Variants in CELF4 observed in about 807,000 individuals in gnomAD.
CELF4 encodes the protein CUGBP Elav-like family member 4.
CELF4 carries 18 observed loss-of-function variants against 59.9 expected under a neutral mutation model. The ratio of observed to expected loss-of-function variants is 0.30; its 90% CI spans 0.21 to 0.45. CELF4 has a LOEUF of 0.45. Among genes scored for constraint, CELF4 ranks in the 20% least tolerant of loss-of-function variants. The pLI, the probability that CELF4 is intolerant of heterozygous loss-of-function variation, is 1.00. For synonymous variants in CELF4, 261 were observed against 267.1 expected (o/e 0.98, Z 0.22); for missense variants, 456 against 689.0 (o/e 0.66, Z 3.79).
chr18:37,469,040 C>T (rs1455220020), intron 2 of CELF4, among the ~76,000 whole-genome samples: 1 of 152,180 alleles, frequency 6.6e-6, no homozygotes, highest in East Asian at 1.9e-4. Context: ...GTTCCAGACT[C>T]AGATTTCCTG....
Position 37,246,476 on chromosome 18 carries a change from C to T in CELF4, c.*45-1279G>A, listed in dbSNP as rs1012138182. 1.3e-5 allele frequency among the ~76,000 whole-genome samples: 2 copies of T among 152,140 alleles called. No homozygotes were observed. The highest frequency in any genetic ancestry group is 4.8e-5 in the African/African-American group (2 of 41,414). On this transcript the variant is annotated intron_variant, in intron 12 of 12. Transcript: ENST00000420428. This position sits in a 1 kb window ranked among gnomAD's most constrained non-coding sequence, Gnocchi z 5.3. ...TAGCAGAAGTGGTTACAATACAAAC[C>T]TTACAATTGTTACCGGGCTCTCTTG...
At chr18:37,494,550 G>A (rs1214966485) in intron 1 of CELF4, among the ~76,000 whole-genome samples, 1 of 152,112 alleles carries the variant, frequency 6.6e-6, no homozygotes, top group Non-Finnish European at 1.5e-5. Flanking sequence ...TGTTTTTTTG[G>A]CAGAGGGCCT....
At chr18:37,374,595 GCCA>G (rs2098943408) in intron 2 of CELF4, among the ~76,000 whole-genome samples, 1 of 152,212 alleles carries the variant, frequency 6.6e-6, no homozygotes, top group Non-Finnish European at 1.5e-5. Context: ...CCCTGGTCTG[GCCA>G]CCATGTGTAC....
At chr18:37,367,130 G>C (rs1435204741) in intron 2 of CELF4, among the ~76,000 whole-genome samples, 1 of 152,170 alleles carries the variant, frequency 6.6e-6, no homozygotes, top group African/African-American at 2.4e-5. Flanking sequence ...GGCATTGCAG[G>C]GTTAATGTGC....
At chr18:37,276,315 G>A (rs909188881) in intron 3 of CELF4, 1 of 152,210 alleles carries the variant, frequency 6.6e-6, no homozygotes, top group Admixed American at 6.5e-5. Context: ...TGCTACTTCA[G>A]TGTGACTGCC....
intron 2 of CELF4, among the ~76,000 whole-genome samples, chr18:37,384,546 T>C (rs1159013276): frequency 6.6e-6 from 1 of 151,448 alleles, no homozygotes; most frequent in Non-Finnish European, 1.5e-5. Flanking sequence ...CAGAATGTAA[T>C]GTAGACACAG....
intron 1 of CELF4, among the ~76,000 whole-genome samples, chr18:37,556,831 C>T (rs2099984954): frequency 6.6e-6 from 1 of 152,196 alleles, no homozygotes; most frequent in Non-Finnish European, 1.5e-5. Context: ...GAATAATGAA[C>T]AAACAGCCAC....
intron 2 of CELF4, among the ~76,000 whole-genome samples, chr18:37,418,721 T>C (rs1319537694): frequency 3.3e-5 from 5 of 152,232 alleles, no homozygotes; most frequent in Non-Finnish European, 7.3e-5. Context: ...CAAAAAATAC[T>C]GTAAAGCACA....
intron 1 of CELF4, among the ~76,000 whole-genome samples, chr18:37,505,140 C>T (rs991823664): frequency 6.6e-6 from 1 of 152,056 alleles, no homozygotes; most frequent in Admixed American, 6.5e-5. Context: ...GGGCAGGGGG[C>T]AACTGTCCCA....
At chr18:37,529,905 T>A (rs1049180816) in intron 1 of CELF4, among the ~76,000 whole-genome samples, 2 of 152,196 alleles carry the variant, frequency 1.3e-5, no homozygotes, top group Admixed American at 1.3e-4. Flanking sequence ...GGCTGAGACC[T>A]GCAAGTTTGG....
At position 37,429,632 on chromosome 18, in the gene CELF4, A is replaced by G. The variant is rs1158126233; in HGVS notation, c.369+55893T>C. 2.6e-5 allele frequency among the ~76,000 whole-genome samples: 4 copies of G among 152,286 alleles called. No homozygotes were observed. The South Asian group carries it at 8.3e-4, about 32-fold the overall frequency. ...AGGGACTGCTTCTTCCCTGGGCCTC[A>G]GCTCTAGCAGACACAGGCAAGAACT... On this transcript the variant is annotated intron_variant, in intron 2 of 12. Coordinates refer to ENST00000420428, the MANE Select transcript of CELF4 (RefSeq NM_020180.4).
intron 2 of CELF4, among the ~76,000 whole-genome samples, chr18:37,373,201 T>C (rs2098924295): frequency 6.6e-6 from 1 of 152,194 alleles, no homozygotes; most frequent in Non-Finnish European, 1.5e-5. Flanking sequence ...CACTGCCAGC[T>C]CCAATGTGAG....
chr18:37,353,011 G>T (rs1313411382), intron 2 of CELF4, among the ~76,000 whole-genome samples: 13 of 152,086 alleles, frequency 8.5e-5, no homozygotes, highest in African/African-American at 2.9e-4. Context: ...CAGGAAGTCA[G>T]GAGATCGAGA....
chr18:37,474,495 C>A (rs1254139291), intron 2 of CELF4, among the ~76,000 whole-genome samples: 1 of 152,244 alleles, frequency 6.6e-6, no homozygotes. Flanking sequence ...TGGCTTTCCA[C>A]AGGGTTAGTG....
At chr18:37,414,068 TCTGCTTTCCAAC>T (rs1039154849) in intron 2 of CELF4, among the ~76,000 whole-genome samples, 3 of 152,208 alleles carry the variant, frequency 2.0e-5, no homozygotes, top group Admixed American at 6.5e-5. Context: ...ACACTTCCTT[TCTGCTTTCCAAC>T]CTGACATAGC....
At chr18:37,403,665 G>A (rs1342737874) in intron 2 of CELF4, among the ~76,000 whole-genome samples, 3 of 152,196 alleles carry the variant, frequency 2.0e-5, no homozygotes, top group Non-Finnish European at 4.4e-5. Flanking sequence ...GAGGGCGTGG[G>A]ACAGGCAGGA....
chr18:37,355,900 G>A (rs868026946), intron 2 of CELF4, among the ~76,000 whole-genome samples: 2 of 152,300 alleles, frequency 1.3e-5, no homozygotes, highest in Non-Finnish European at 1.5e-5. Flanking sequence ...CTGCTAGGGA[G>A]CTGCAGTGGG....
intron 2 of CELF4, among the ~76,000 whole-genome samples, chr18:37,437,523 G>C (rs4799923): frequency 0.26 from 39,830 of 152,158 alleles, 5,682 homozygotes; most frequent in East Asian, 0.44. Context: ...GGGCATAAAT[G>C]GTCTTGGCTT....
chr18:37,379,373 C>T (rs553091407), intron 2 of CELF4, among the ~76,000 whole-genome samples: 17 of 152,078 alleles, frequency 1.1e-4, no homozygotes, highest in African/African-American at 3.4e-4. Context: ...TCTCTCTTAC[C>T]TCATTAAGCT....
Sources: allele counts gnomAD v4.1 joint callset (sites outside exome capture counted in the v4.1 genomes callset), GRCh38; gene constraint gnomAD v4.1.1; non-coding constraint Gnocchi (gnomAD v3.1); transcripts MANE v1.5; gene names NCBI Gene and HGNC (gene_info 2026-07-23, HGNC 2026-07-21).